VAV2: variants seen among roughly 807,000 people sequenced by gnomAD.
The protein encoded by VAV2 is vav guanine nucleotide exchange factor 2.
VAV2 carries 67 observed loss-of-function variants against 132.5 expected under a neutral mutation model. The ratio of observed to expected loss-of-function variants is 0.51; its 90% confidence interval spans 0.42 to 0.62. The LOEUF is 0.62. VAV2 is among the 20% of genes least tolerant of loss of function. The pLI is 0.00. For missense variants in VAV2, 938 were observed against 1,153.6 expected (o/e 0.81, Z 2.71); for synonymous variants, 492 against 443.5 (o/e 1.11, Z -1.37).
At chr9:133,893,540 A>G (rs1040287743) in intron 2 of VAV2, among the ~76,000 whole-genome samples, 1 of 152,184 alleles carries the variant, frequency 6.6e-6, no homozygotes, top group Admixed American at 6.5e-5. Context: ...AGCAAAATCT[A>G]GACAAAGGAG....
At chr9:133,792,320 T>C in intron 12 of VAV2, among the ~76,000 whole-genome samples, 1 of 127,762 alleles carries the variant, frequency 7.8e-6, no homozygotes, top group Admixed American at 7.8e-5. Context: ...GTGTGTGTGA[T>C]TGTGTGTATG....
chr9:133,916,919 T>C lies in VAV2; in HGVS notation c.321+22184A>G, dbSNP rs908643857. 5.9e-5 allele frequency among the ~76,000 whole-genome samples: 9 copies of C among 152,220 alleles called. No individual in the cohort carries two copies. The South Asian group carries it at 6.2e-4, about 11-fold the overall frequency. ...CCACTCACCCAACCCCCTCTAAGCC[T>C]CAGCGTCCCCGTCCATCAAATGTGA... On this transcript the variant is annotated intron_variant, in intron 2 of 29. Coordinates refer to ENST00000371850, the MANE Select transcript of VAV2 (RefSeq NM_001134398.2).
At position 133,775,138 on chromosome 9, in the gene VAV2, T is replaced by G. The variant is rs139357404; in HGVS notation, c.2019-87A>C. The G allele has an allele frequency of 4.7e-5, 51 of 1,082,882 alleles. No homozygotes were observed. The African/African-American group carries it at 6.9e-4, about 15-fold the overall frequency. The allele number at this position is 1,082,882 out of a possible 1,614,324, so 67.1% of individuals were successfully genotyped here. On this transcript the variant is annotated intron_variant, in intron 24 of 29. Coordinates refer to ENST00000371850, the MANE Select transcript of VAV2 (RefSeq NM_001134398.2). ...AGCCCTCCGTGCGTGGCAGGCCACA[T>G]GAAGTACTCTGCAGTCCTCATCTGA...
chr9:133,794,745 G>A lies in VAV2; in HGVS notation c.1101+923C>T, dbSNP rs895816327. 6.6e-6 allele frequency among the ~76,000 whole-genome samples: 1 copy of A among 152,192 alleles called. No homozygotes were observed. The highest frequency in any genetic ancestry group is 2.4e-5 in the African/African-American group (1 of 41,460). ...CCCTCCACCCAGATGCAGCTGGAGG[G>A]GACCTACCACATGCCAGGTGCTGTG... is the stretch of plus-strand genomic sequence containing the variant. On this transcript the variant is annotated intron_variant, in intron 12 of 29. Coordinates refer to ENST00000371850, the MANE Select transcript of VAV2 (RefSeq NM_001134398.2). The surrounding 1 kb of genome is among the most constrained non-coding windows in gnomAD (Gnocchi z 4.6).
chr9:133,862,482 C>A (rs1837636106), intron 2 of VAV2, among the ~76,000 whole-genome samples: 1 of 152,218 alleles, frequency 6.6e-6, no homozygotes, highest in Admixed American at 6.5e-5. Context: ...TCTGTGAGTC[C>A]ATGTGTGTGA....
intron 12 of VAV2, among the ~76,000 whole-genome samples, chr9:133,792,714 C>A (rs1025171253): frequency 7.8e-6 from 1 of 127,690 alleles, no homozygotes; most frequent in African/African-American, 2.9e-5. Flanking sequence ...ATCCAGGCAC[C>A]GGGCGTTTCT....
chr9:133,937,493 A>AGCGT (rs1554813198), intron 2 of VAV2, among the ~76,000 whole-genome samples: 2 of 149,038 alleles, frequency 1.3e-5, no homozygotes, highest in Non-Finnish European at 3.0e-5. Context: ...TGGGTGCAAG[A>AGCGT]GTGTGTGCGT....
intron 1 of VAV2, among the ~76,000 whole-genome samples, chr9:133,987,397 CT>C (rs1588231994): frequency 6.6e-6 from 1 of 152,270 alleles, no homozygotes; most frequent in Non-Finnish European, 1.5e-5. Context: ...GAGGGAGCCC[CT>C]ATACCAGCTC....
rs989655363 is a variant in VAV2 at position 133,802,100 on chromosome 9, G to A, written c.836+3981C>T. Among the ~76,000 whole-genome samples, 12 of 152,108 alleles carry A rather than the reference G, an allele frequency of 7.9e-5. No individual in the cohort carries two copies. Among genetic ancestry groups the A allele is most frequent in the Non-Finnish European group, 1.5e-4 (10 of 68,026 alleles). Reference sequence around the variant, plus strand: ...GGCAGCATGGGCCACAGAGTCCCCAGGGGGCACAGTTTGACTTTTCCCCGA... The same window carrying A: ...GGCAGCATGGGCCACAGAGTCCCCAAGGGGCACAGTTTGACTTTTCCCCGA... On this transcript the variant is annotated intron_variant, in intron 9 of 29. Transcript: ENST00000371850. The surrounding 1 kb of genome is among the most constrained non-coding windows in gnomAD (Gnocchi z 5.8).
At position 133,961,072 on chromosome 9, in the gene VAV2, G is replaced by A. The variant is rs1335546715; in HGVS notation, c.205-21853C>T. On this transcript the variant is annotated intron_variant, in intron 1 of 29. Transcript: ENST00000371850. This position sits in a 1 kb window ranked among gnomAD's most constrained non-coding sequence, Gnocchi z 4.1. ...CAGGGGCCTCCACTGGCCCACACCC[G>A]GCACACATCACGGGCGGCCCCAAGC... Among the ~76,000 whole-genome samples, 1 of 152,224 alleles carries A rather than the reference G, an allele frequency of 6.6e-6. No homozygotes were observed. Among genetic ancestry groups the A allele is most frequent in the African/African-American group, 2.4e-5 (1 of 41,462 alleles).
At position 133,795,773 on chromosome 9, in the gene VAV2, G is replaced by A. The variant is rs111382095; in HGVS notation, c.1033-37C>T. ...AGAAGAGTGTCATGTGTTACCACTC[G>A]GGGGTTCTGGCCTCTGCCCTGGCCC... On this transcript the variant is annotated intron_variant, in intron 11 of 29. Transcript: ENST00000371850. 4.4e-3 allele frequency: 7,099 copies of A among 1,606,506 alleles called. 230 individuals carry two copies. The African/African-American group carries it at 0.079, about 18-fold the overall frequency.
chr9:133,808,044 G>A (rs572207654), intron 7 of VAV2, among the ~76,000 whole-genome samples: 3 of 115,684 alleles, frequency 2.6e-5, no homozygotes, highest in East Asian at 2.0e-4. Context: ...AAACACGCCC[G>A]GGTGGCGGCC....
At chr9:133,881,126 G>A (rs1838477909) in intron 2 of VAV2, among the ~76,000 whole-genome samples, 1 of 152,202 alleles carries the variant, frequency 6.6e-6, no homozygotes, top group Non-Finnish European at 1.5e-5. Flanking sequence ...GCTGGCACAG[G>A]GCCCGAGGTG....
At chr9:133,940,700 T>C (rs1048532200) in intron 1 of VAV2, among the ~76,000 whole-genome samples, 5 of 136,474 alleles carry the variant, frequency 3.7e-5, no homozygotes, top group Non-Finnish European at 6.6e-5. Context: ...TGTGTGTGTG[T>C]GTGTGTGTTT....
intron 9 of VAV2, among the ~76,000 whole-genome samples, chr9:133,803,770 C>T (rs1588198292): frequency 6.6e-6 from 1 of 152,326 alleles, no homozygotes; most frequent in East Asian, 1.9e-4. Flanking sequence ...TCAGCAGCTT[C>T]CTCGTGCCCT....
At chr9:133,887,190 T>A (rs1838746492) in intron 2 of VAV2, among the ~76,000 whole-genome samples, 1 of 152,166 alleles carries the variant, frequency 6.6e-6, no homozygotes, top group African/African-American at 2.4e-5. Flanking sequence ...AGGGACCTCT[T>A]CACCTCCACA....
intron 2 of VAV2, among the ~76,000 whole-genome samples, chr9:133,917,441 C>CT (rs56141918): frequency 0.78 from 103,789 of 132,826 alleles, 41,902 homozygotes; most frequent in East Asian, 0.97. Flanking sequence ...AAAACTCTTT[C>CT]TTTTTTTTTT....
rs987215046 is a variant in VAV2 at position 133,768,173 on chromosome 9, C to T, written c.2589+269G>A. 3.3e-5 allele frequency among the ~76,000 whole-genome samples: 5 copies of T among 152,038 alleles called. No individual in the cohort carries two copies. The highest frequency in any genetic ancestry group is 2.1e-4 in the South Asian group (1 of 4,830). On this transcript the variant is annotated intron_variant, in intron 29 of 29. Coordinates refer to ENST00000371850, the MANE Select transcript of VAV2 (RefSeq NM_001134398.2). The surrounding 1 kb of genome is among the most constrained non-coding windows in gnomAD (Gnocchi z 5.3). ...GCCCAGAATAAAAATGGAACAGGGT[C>T]GGGGGGTTCCTAGGAGCCTGGATCC... is the stretch of plus-strand genomic sequence containing the variant.
intron 4 of VAV2, among the ~76,000 whole-genome samples, chr9:133,816,351 T>C (rs1588215181): frequency 6.6e-6 from 1 of 152,354 alleles, no homozygotes; most frequent in Non-Finnish European, 1.5e-5. Context: ...CTTAGTCGCA[T>C]CCTGGCTCTG....
Sources: gnomAD v4.1 joint callset for allele counts (sites outside exome capture counted in the v4.1 genomes callset) on GRCh38, gnomAD v4.1.1 for gene constraint, Gnocchi (gnomAD v3.1) non-coding constraint, MANE v1.5 for transcripts, NCBI Gene and HGNC (gene_info 2026-07-23, HGNC 2026-07-21) for gene names.